MAGI2: variants seen among roughly 807,000 people sequenced by gnomAD.
MAGI2 encodes the protein membrane associated guanylate kinase, WW and PDZ domain containing 2, also known as membrane-associated guanylate kinase, WW and PDZ domain-containing protein 2.
Under a neutral mutation model 133.3 loss-of-function variants are expected in MAGI2, and 35 were observed. That is an observed-to-expected ratio of 0.26 (90% CI 0.20 to 0.35). The LOEUF is 0.35. Among genes scored for constraint, MAGI2 ranks in the 10% least tolerant of loss-of-function variants. The pLI is 1.00. For synonymous variants in MAGI2, 729 were observed against 710.6 expected, an observed-to-expected ratio of 1.03 and a Z score of -0.41; for missense variants, 1,636 against 1,863.4, an observed-to-expected ratio of 0.88 and a Z score of 2.25.
intron 1 of MAGI2, among the ~76,000 whole-genome samples, chr7:79,399,492 G>C (rs1177029622): frequency 6.6e-6 from 1 of 152,068 alleles, no homozygotes; most frequent in South Asian, 2.1e-4. Flanking sequence ...GGGTTGTAGA[G>C]AGCATCTTGT....
At chr7:78,586,146 C>G (rs1318275356) in intron 3 of MAGI2, among the ~76,000 whole-genome samples, 1 of 152,194 alleles carries the variant, frequency 6.6e-6, no homozygotes, top group Non-Finnish European at 1.5e-5. Flanking sequence ...TGCTCTACAG[C>G]TGAGAGATTG....
intron 6 of MAGI2, among the ~76,000 whole-genome samples, chr7:78,457,473 T>C (rs902855133): frequency 3.9e-5 from 6 of 152,226 alleles, no homozygotes; most frequent in Non-Finnish European, 7.3e-5. Flanking sequence ...TCAGTTTCCT[T>C]ATTTTCCAAA....
At chr7:78,399,355 C>T (rs1796638870) in intron 6 of MAGI2, among the ~76,000 whole-genome samples, 2 of 152,164 alleles carry the variant, frequency 1.3e-5, no homozygotes, top group Admixed American at 6.5e-5. Flanking sequence ...CATTTCTCTG[C>T]CAAGTGTAGA....
chr7:78,778,280 G>T (rs1826136382), intron 2 of MAGI2, among the ~76,000 whole-genome samples: 2 of 152,176 alleles, frequency 1.3e-5, no homozygotes, highest in African/African-American at 2.4e-5. Flanking sequence ...GCAGTTTATT[G>T]TCCATACCTT....
intron 2 of MAGI2, among the ~76,000 whole-genome samples, chr7:78,823,653 G>T (rs181241770): frequency 1.3e-5 from 2 of 151,816 alleles, no homozygotes; most frequent in African/African-American, 2.4e-5. Flanking sequence ...TCATTTTTAG[G>T]TGATAAAGAA....
chr7:79,233,334 AT>A (rs1831554017), intron 1 of MAGI2, among the ~76,000 whole-genome samples: 1 of 93,316 alleles, frequency 1.1e-5, no homozygotes, highest in Non-Finnish European at 2.1e-5. Flanking sequence ...GCTGAGTTCA[AT>A]TCCTGGGTAT....
chr7:78,661,904 A>G (rs181077218), intron 2 of MAGI2, among the ~76,000 whole-genome samples: 65 of 152,328 alleles, frequency 4.3e-4, no homozygotes, highest in Admixed American at 4.0e-3. Context: ...TACACTTCAG[A>G]AGAACTAGTC....
intron 1 of MAGI2, among the ~76,000 whole-genome samples, chr7:79,139,532 C>T (rs62460846): frequency 2.0e-5 from 3 of 152,166 alleles, no homozygotes; most frequent in Non-Finnish European, 4.4e-5. Context: ...CTCATTACTG[C>T]CACTTACTGA....
intron 2 of MAGI2, among the ~76,000 whole-genome samples, chr7:78,974,279 C>CA (rs1247989550): frequency 1.3e-5 from 2 of 151,594 alleles, no homozygotes; most frequent in South Asian, 2.1e-4. Flanking sequence ...TTCGGGATAA[C>CA]AAAAAACTAA....
chr7:78,527,006 C>CAAA (rs55707442), intron 3 of MAGI2, among the ~76,000 whole-genome samples: 5 of 45,426 alleles, frequency 1.1e-4, no homozygotes, highest in African/African-American at 2.0e-4. Context: ...GACTCCATCT[C>CAAA]AAAAAAAAAA....
chr7:78,278,092 T>C (rs1025371549), intron 9 of MAGI2, among the ~76,000 whole-genome samples: 1 of 152,108 alleles, frequency 6.6e-6, no homozygotes, highest in African/African-American at 2.4e-5. Flanking sequence ...AGCAATAGCA[T>C]CTTGATTTAT....
chr7:78,761,521 T>C (rs984166959), intron 2 of MAGI2, among the ~76,000 whole-genome samples: 9 of 151,324 alleles, frequency 5.9e-5, no homozygotes, highest in Non-Finnish European at 1.2e-4. Flanking sequence ...GCTGGAGTGT[T>C]GTGGTGTGAT....
At position 79,453,353 on chromosome 7, in the gene MAGI2, T is replaced by C. The variant is rs1256234253; in HGVS notation, c.-33A>G. 8 of 1,571,036 alleles carry C rather than the reference T, an allele frequency of 5.1e-6. No homozygotes were observed. Among genetic ancestry groups the C allele is most frequent in the South Asian group, 1.2e-5 (1 of 84,172 alleles). On this transcript the variant is annotated 5_prime_UTR_variant, in exon 1 of 22. Coordinates refer to ENST00000354212, the MANE Select transcript of MAGI2 (RefSeq NM_012301.4). Reference sequence around the variant, plus strand: ...GGGCGAGTCGCCTCAGTTCCTGGGCTCCTTGGGGTTAGGGGGGCTGGTGGT... The same window carrying C: ...GGGCGAGTCGCCTCAGTTCCTGGGCCCCTTGGGGTTAGGGGGGCTGGTGGT...
chr7:78,356,292 C>T (rs1443365818), intron 7 of MAGI2, among the ~76,000 whole-genome samples: 1 of 152,076 alleles, frequency 6.6e-6, no homozygotes, highest in East Asian at 1.9e-4. Flanking sequence ...AAGAATGCTG[C>T]ATGTTGTAGG....
chr7:78,292,075 C>A (rs1215965054), intron 9 of MAGI2, among the ~76,000 whole-genome samples: 2 of 152,170 alleles, frequency 1.3e-5, no homozygotes, highest in Non-Finnish European at 2.9e-5. Context: ...ATTGGAAGTT[C>A]TGGCCAGGGC....
intron 9 of MAGI2, among the ~76,000 whole-genome samples, chr7:78,325,873 C>A (rs1788531197): frequency 6.6e-6 from 1 of 152,208 alleles, no homozygotes. Context: ...TCTTTTCTGA[C>A]TTCTGTTTCT....
At chr7:78,402,894 G>A (rs1046721873) in intron 6 of MAGI2, among the ~76,000 whole-genome samples, 11 of 151,854 alleles carry the variant, frequency 7.2e-5, no homozygotes, top group African/African-American at 2.7e-4. Flanking sequence ...ACCATTAAAG[G>A]CAAGTTTTAA....
chr7:79,193,753 C>G (rs1010856721), intron 1 of MAGI2, among the ~76,000 whole-genome samples: 2 of 151,678 alleles, frequency 1.3e-5, no homozygotes, highest in Non-Finnish European at 2.9e-5. Flanking sequence ...TGTACAAGGG[C>G]CCTACATTTT....
rs189612725 is a variant in MAGI2 at position 78,581,457 on chromosome 7, G to A, written c.538+45663C>T. ...GGTACAGATATGCATAGCAGTATAT[G>A]GTTAGAACTTTGACTGTAAATCAGC... On this transcript the variant is annotated intron_variant, in intron 3 of 21. Transcript: ENST00000354212. Among the ~76,000 whole-genome samples the A allele has an allele frequency of 2.0e-5, 3 of 152,270 alleles. No homozygotes were observed. The East Asian group carries it at 5.8e-4, about 29-fold the overall frequency.
Sources: gnomAD v4.1 joint callset for allele counts (sites outside exome capture counted in the v4.1 genomes callset) on GRCh38, gnomAD v4.1.1 for gene constraint, MANE v1.5 for transcripts, NCBI Gene and HGNC (gene_info 2026-07-23, HGNC 2026-07-21) for gene names.